The following MACROD2 variants were observed in gnomAD, a reference collection of about 807,000 sequenced individuals.
MACROD2 encodes the protein mono-ADP ribosylhydrolase 2.
MACROD2 carries 36 observed loss-of-function variants against 70.4 expected under a neutral mutation model. The ratio of observed to expected loss-of-function variants is 0.51; its 90% CI spans 0.39 to 0.68. The LOEUF is 0.68. MACROD2 is among the 30% of genes least tolerant of loss of function. The probability of loss-of-function intolerance (pLI) is 0.00; values close to 1 mark genes in which losing one functional copy is unlikely to be tolerated. For synonymous variants in MACROD2, 172 were observed against 178.8 expected, an observed-to-expected ratio of 0.96 and a Z score of 0.30; for missense variants, 496 against 538.4, an observed-to-expected ratio of 0.92 and a Z score of 0.78.
chr20:14,286,071 A>AT (rs1365481290), intron 3 of MACROD2, among the ~76,000 whole-genome samples: 1 of 152,042 alleles, frequency 6.6e-6, no homozygotes, highest in Non-Finnish European at 1.5e-5. Flanking sequence ...GTTCACTAGC[A>AT]TTTTGGGAGT....
chr20:15,859,157 G>A (rs1376877054), intron 8 of MACROD2, among the ~76,000 whole-genome samples: 2 of 152,102 alleles, frequency 1.3e-5, no homozygotes, highest in Admixed American at 6.5e-5. Flanking sequence ...TTCATGAGAT[G>A]GAAGTGGATC....
At chr20:14,066,353 T>C (rs545714476) in intron 2 of MACROD2, among the ~76,000 whole-genome samples, 1 of 152,366 alleles carries the variant, frequency 6.6e-6, no homozygotes, top group Admixed American at 6.5e-5. Context: ...AAAATCTTGG[T>C]ATGTTAGTCA....
rs1193355288 is a variant in MACROD2, at chr20:14,242,983, A to G, written c.271+157255A>G. 3.3e-5 allele frequency among the ~76,000 whole-genome samples: 5 copies of G among 152,336 alleles called. No individual in the cohort carries two copies. In the East Asian group the frequency reaches 7.7e-4, roughly 23 times the overall value. On this transcript the variant is annotated intron_variant, in intron 3 of 17. Coordinates refer to ENST00000684519, the MANE Select transcript of MACROD2 (RefSeq NM_001351661.2). ...TTCACTAATTACTTTCACCAAGATC[A>G]TAATACCTTCTTAAACTGAAGAAAC...
intron 4 of MACROD2, among the ~76,000 whole-genome samples, chr20:14,678,012 C>G (rs2070883268): frequency 6.6e-6 from 1 of 152,098 alleles, no homozygotes; most frequent in Non-Finnish European, 1.5e-5. Context: ...GCAAACATCC[C>G]CAAATTGTAG....
At chr20:14,384,005 C>G (rs529520527) in intron 3 of MACROD2, among the ~76,000 whole-genome samples, 1 of 152,134 alleles carries the variant, frequency 6.6e-6, no homozygotes, top group South Asian at 2.1e-4. Flanking sequence ...CTTATATTAA[C>G]CATTCATTTC....
intron 4 of MACROD2, among the ~76,000 whole-genome samples, chr20:14,502,331 G>A (rs1330788807): frequency 6.6e-6 from 1 of 152,154 alleles, no homozygotes; most frequent in African/African-American, 2.4e-5. Context: ...AGATACTGTA[G>A]GGATGAATGA....
intron 5 of MACROD2, among the ~76,000 whole-genome samples, chr20:14,726,615 C>T (rs2071533061): frequency 6.6e-6 from 1 of 152,186 alleles, no homozygotes; most frequent in Non-Finnish European, 1.5e-5. Flanking sequence ...AATCACTTTA[C>T]AAAATTAGCT....
intron 4 of MACROD2, among the ~76,000 whole-genome samples, chr20:14,511,829 TA>T (rs1206462716): frequency 6.6e-6 from 1 of 152,112 alleles, no homozygotes; most frequent in African/African-American, 2.4e-5. Flanking sequence ...CAATAACAAT[TA>T]TGAGGTACAA....
rs984571434 is a variant in MACROD2, at chr20:14,248,087, C to T, written c.271+162359C>T. Among the ~76,000 whole-genome samples, 6 of 144,394 alleles carry T rather than the reference C, an allele frequency of 4.2e-5. No individual in the cohort carries two copies. The East Asian group carries it at 8.6e-4, about 21-fold the overall frequency. The allele number at this position is 144,394 out of a possible 152,430, so 94.7% of individuals were successfully genotyped here. A position where few individuals can be genotyped will look rare whatever the true frequency, so the allele number is the denominator to read the frequency against. ...TTACTTTTTCACTGTATTAATGATA[C>T]GCCATATTTTTTTTACTGTTAAGTA... On this transcript the variant is annotated intron_variant, in intron 3 of 17. Coordinates refer to ENST00000684519, the MANE Select transcript of MACROD2 (RefSeq NM_001351661.2).
chr20:14,828,943 C>T (rs2072931439), intron 5 of MACROD2, among the ~76,000 whole-genome samples: 1 of 148,642 alleles, frequency 6.7e-6, no homozygotes, highest in African/African-American at 2.5e-5. Context: ...TGGTCCAGAA[C>T]TATTTTTTCC....
At chr20:15,910,394 A>G (rs6110825) in intron 10 of MACROD2, among the ~76,000 whole-genome samples, 5,147 of 146,466 alleles carry the variant, frequency 0.035, 224 homozygotes, top group African/African-American at 0.086. Context: ...GTCAGAGGAC[A>G]TGTGTGTGTG....
intron 7 of MACROD2, among the ~76,000 whole-genome samples, chr20:15,479,679 C>A (rs1057512883): frequency 1.7e-4 from 26 of 152,160 alleles, no homozygotes; most frequent in Non-Finnish European, 3.7e-4. Flanking sequence ...ACTGTACTTG[C>A]AAGCTCTACC....
intron 8 of MACROD2, among the ~76,000 whole-genome samples, chr20:15,810,361 G>T (rs1481025769): frequency 2.0e-5 from 3 of 151,398 alleles, no homozygotes; most frequent in South Asian, 2.1e-4. Context: ...ATGATTTATA[G>T]TCCTTTGGGT....
rs576661940 is a variant in MACROD2, at chr20:15,572,108, C to G, written c.645+72261C>G. Among the ~76,000 whole-genome samples the G allele has an allele frequency of 6.6e-5, 10 of 152,168 alleles. No individual in the cohort carries two copies. In the South Asian group the frequency reaches 1.5e-3, roughly 22 times the overall value. On this transcript the variant is annotated intron_variant, in intron 8 of 17. Transcript: ENST00000684519. ...ACACCCCTTTCACAAAATTTAAACT[C>G]TTTTCAGTTTAATCAAAAGGAAAGG...
chr20:14,102,256 C>A (rs746298543), intron 3 of MACROD2, among the ~76,000 whole-genome samples: 1 of 151,894 alleles, frequency 6.6e-6, no homozygotes, highest in Non-Finnish European at 1.5e-5. Context: ...CCCGCCTCAG[C>A]CTCCGAAAGT....
intron 7 of MACROD2, among the ~76,000 whole-genome samples, chr20:15,466,281 T>C (rs939137041): frequency 1.3e-5 from 2 of 152,236 alleles, no homozygotes; most frequent in Non-Finnish European, 2.9e-5. Context: ...TGCCTGGCAT[T>C]GTTAACATAT....
chr20:15,179,991 G>A (rs888655377), intron 5 of MACROD2, among the ~76,000 whole-genome samples: 3 of 152,172 alleles, frequency 2.0e-5, no homozygotes, highest in East Asian at 1.9e-4. Context: ...TTGGCTTGCC[G>A]ATGGCCACCC....
intron 13 of MACROD2, among the ~76,000 whole-genome samples, chr20:15,979,758 T>C (rs1453345402): frequency 6.6e-6 from 1 of 151,828 alleles, no homozygotes; most frequent in Non-Finnish European, 1.5e-5. Flanking sequence ...AGCCAAGGGG[T>C]GTGGAAGAAA....
chr20:15,840,677 C>T (rs1394505387), intron 8 of MACROD2, among the ~76,000 whole-genome samples: 1 of 152,070 alleles, frequency 6.6e-6, no homozygotes, highest in African/African-American at 2.4e-5. Flanking sequence ...AAAAGAATTC[C>T]ATGACTGAAG....
Sources: allele counts gnomAD v4.1 joint callset (sites outside exome capture counted in the v4.1 genomes callset), GRCh38; gene constraint gnomAD v4.1.1; transcripts MANE v1.5; gene names NCBI Gene and HGNC (gene_info 2026-07-23, HGNC 2026-07-21).